Variants in ATCAY observed in about 807,000 individuals in gnomAD.
The protein encoded by ATCAY is caytaxin.
A neutral mutation model predicts 47.7 loss-of-function variants in ATCAY; 22 were observed. The observed-to-expected ratio is 0.46, with a 90% CI of 0.33 to 0.66. ATCAY has a LOEUF of 0.66. Ranked by LOEUF, ATCAY falls within the 30% of genes least tolerant of loss-of-function variation. ATCAY has a pLI of 0.02. For missense variants in ATCAY, 452 were observed against 515.0 expected, an observed-to-expected ratio of 0.88 and a Z score of 1.18; for synonymous variants, 216 against 207.6, an observed-to-expected ratio of 1.04 and a Z score of -0.35.
rs2038610615 is a variant in ATCAY at position 3,882,469 on chromosome 19, C to T, written c.-42+1461C>T. On this transcript the variant is annotated intron_variant, in intron 1 of 12. Coordinates refer to ENST00000450849, the MANE Select transcript of ATCAY (RefSeq NM_033064.5). The stretch of plus-strand genomic sequence containing the variant: ...AATAGCTGGGACTTCAGGCACCAGG[C>T]ACCCATCACCATGTTTGGTTAATTT... Among the ~76,000 whole-genome samples, 3 of 151,416 alleles carry T rather than the reference C, an allele frequency of 2.0e-5. No homozygotes were observed. In the Admixed American group the frequency reaches 2.0e-4, roughly 10 times the overall value.
At chr19:3,912,361 T>C (rs1174982419) in intron 8 of ATCAY, among the ~76,000 whole-genome samples, 6 of 151,788 alleles carry the variant, frequency 4.0e-5, no homozygotes, top group Non-Finnish European at 1.5e-5. Context: ...TCGCCCAGGC[T>C]GGAGTGCAGT....
At chr19:3,893,968 C>T (rs967719866) in intron 2 of ATCAY, among the ~76,000 whole-genome samples, 2 of 152,092 alleles carry the variant, frequency 1.3e-5, no homozygotes, top group East Asian at 1.9e-4. Context: ...ATTCCAGTCC[C>T]GGAGCCTGGG....
At chr19:3,886,862 C>T (rs949809221) in intron 2 of ATCAY, among the ~76,000 whole-genome samples, 1 of 151,682 alleles carries the variant, frequency 6.6e-6, no homozygotes, top group East Asian at 2.0e-4. Flanking sequence ...TACAGGCACC[C>T]GCCACCACAT....
chr19:3,916,117 G>C (rs2038964445), intron 9 of ATCAY, among the ~76,000 whole-genome samples: 1 of 152,078 alleles, frequency 6.6e-6, no homozygotes, highest in African/African-American at 2.4e-5. Context: ...GACGACTCTA[G>C]GGACCTCCTA....
In ATCAY at chr19:3,909,614, G is replaced by C; in HGVS notation, c.776G>C (p.Arg259Pro). 1 of 1,588,174 alleles carries C rather than the reference G, an allele frequency of 6.3e-7. No homozygotes were observed. Among genetic ancestry groups the C allele is most frequent in the Non-Finnish European group, 8.6e-7 (1 of 1,167,262 alleles). The change falls in exon 7 of 13, where the codon CGG (arginine) becomes CCG (proline). Residue 259 changes from arginine to proline, a missense_variant. Arg to Pro is a moderately radical substitution (Grantham distance 103, BLOSUM62 -2). Transcript: ENST00000450849. ...AAGAAGTGCTACCAGATGATCGACCGGAGGTGAGGTGGGGATGCCTCAGGA... is the reference window on the plus strand; with the variant it reads ...AAGAAGTGCTACCAGATGATCGACCCGAGGTGAGGTGGGGATGCCTCAGGA... The part of the protein sequence containing the change: ...WLKKCYQMID[R>P]RLRKNLKSLI...
intron 2 of ATCAY, among the ~76,000 whole-genome samples, chr19:3,901,987 G>A (rs906695155): frequency 6.6e-6 from 1 of 151,984 alleles, no homozygotes; most frequent in Non-Finnish European, 1.5e-5. Flanking sequence ...GCGACAGAGC[G>A]AGACTCTGTC....
intron 7 of ATCAY, among the ~76,000 whole-genome samples, chr19:3,910,497 T>G (rs1010318436): frequency 3.2e-4 from 48 of 152,174 alleles, no homozygotes; most frequent in Non-Finnish European, 6.3e-4. Context: ...TCCTAGGGCA[T>G]TAGGTGGTGA....
intron 1 of ATCAY, among the ~76,000 whole-genome samples, chr19:3,885,189 C>T (rs1179890324): frequency 2.1e-5 from 3 of 146,278 alleles, no homozygotes; most frequent in South Asian, 2.2e-4. Flanking sequence ...GAGGCTGAGG[C>T]GGGTAGACCG....
intron 7 of ATCAY, among the ~76,000 whole-genome samples, 199 bp downstream of exon 7, chr19:3,909,816 G>A (rs895576871): frequency 6.6e-6 from 1 of 152,104 alleles, no homozygotes; most frequent in Non-Finnish European, 1.5e-5. Flanking sequence ...CGGGCAAGGG[G>A]GCTCACACCT....
intron 8 of ATCAY, among the ~76,000 whole-genome samples, 167 bp from the exon 9 acceptor site, chr19:3,913,591 G>A (rs1181878375): frequency 6.6e-6 from 1 of 152,138 alleles, no homozygotes; most frequent in Non-Finnish European, 1.5e-5. Flanking sequence ...TGGGGTGCAA[G>A]ATAATTAAGG....
In ATCAY at chr19:3,905,628, G is replaced by A. The variant is rs762841790; in HGVS notation, c.331G>A (p.Gly111Arg). ...PDETDSLEFL[G>R]NGNELEWEDD... Reference sequence around the variant, plus strand: ...TGAGACCGACTCGCTGGAGTTCCTGGGGAATGGCAACGAACTGGAGTGGGA... The same window carrying A: ...TGAGACCGACTCGCTGGAGTTCCTGAGGAATGGCAACGAACTGGAGTGGGA... Residue 111 changes from glycine (G) to arginine (R), a missense_variant, in exon 4 of 13, where the codon GGG becomes AGG. Coordinates refer to ENST00000450849, the MANE Select transcript of ATCAY (RefSeq NM_033064.5). The A allele has an allele frequency of 2.5e-6, 4 of 1,613,624 alleles. No individual in the cohort carries two copies. The highest frequency in any genetic ancestry group is 3.4e-6 in the Non-Finnish European group (4 of 1,179,812).
intron 8 of ATCAY, among the ~76,000 whole-genome samples, chr19:3,911,236 C>T (rs1305867254): frequency 1.3e-5 from 2 of 152,064 alleles, no homozygotes; most frequent in African/African-American, 4.8e-5. Flanking sequence ...CGTGGTGGTG[C>T]ACACCTGTAG....
intron 2 of ATCAY, among the ~76,000 whole-genome samples, chr19:3,900,196 CTT>C (rs35138325): frequency 1.4e-5 from 2 of 144,316 alleles, no homozygotes; most frequent in Admixed American, 7.0e-5. Context: ...TCTTTTCTCT[CTT>C]TTTTTTTTTA....
chr19:3,908,371 G>C lies in ATCAY; in HGVS notation c.647+1G>C, dbSNP rs372569029. The stretch of plus-strand genomic sequence containing the variant: ...ACTACATCATGGAGAACCTCTTCCT[G>C]TGAGTCCCCGCCCGCGGCGAGCAGC... On this transcript the variant is annotated splice_donor_variant, in intron 6 of 12. Coordinates refer to ENST00000450849, the MANE Select transcript of ATCAY (RefSeq NM_033064.5). LOFTEE classifies it high-confidence loss of function. 6.3e-7 allele frequency: 1 copy of C among 1,583,598 alleles called. No individual in the cohort carries two copies. The highest frequency in any genetic ancestry group is 8.6e-7 in the Non-Finnish European group (1 of 1,164,644).
rs748150320 is a variant in ATCAY, at chr19:3,909,537, G to A, written c.699G>A (p.Val233=). ...TGGTGGCTGAGGACTACATGATCGTGTACCTGAACGGTGCCACGCCCCGGC... is the reference window on the plus strand; with the variant it reads ...TGGTGGCTGAGGACTACATGATCGTATACCTGAACGGTGCCACGCCCCGGC... ...ELLVAEDYMI[V]YLNGATPRRR... The change falls in exon 7 of 13, where the codon GTG becomes GTA. Residue 233 remains valine (V), a synonymous_variant. Coordinates refer to ENST00000450849, the MANE Select transcript of ATCAY (RefSeq NM_033064.5). The A allele has an allele frequency of 6.2e-7, 1 of 1,613,878 alleles. No individual in the cohort carries two copies. Among genetic ancestry groups the A allele is most frequent in the South Asian group, 1.1e-5 (1 of 91,076 alleles).
At chr19:3,896,301 T>C (rs542140293) in intron 2 of ATCAY, among the ~76,000 whole-genome samples, 1 of 147,936 alleles carries the variant, frequency 6.8e-6, no homozygotes, top group South Asian at 2.2e-4. Context: ...AGAGTCTCAC[T>C]CTGTCACTCA....
intron 9 of ATCAY, among the ~76,000 whole-genome samples, chr19:3,914,178 G>C (rs113644268): frequency 0.036 from 5,042 of 140,260 alleles, 298 homozygotes; most frequent in African/African-American, 0.13. Flanking sequence ...GGAGGTTGCA[G>C]TAAGCTGAGA....
At position 3,897,197 on chromosome 19, in the gene ATCAY, G is replaced by A. The variant is rs539391790; in HGVS notation, c.78-5290G>A. On this transcript the variant is annotated intron_variant, in intron 2 of 12. Transcript: ENST00000450849. ...AGCCATCAGCCTGCAATTTTGCAGC[G>A]CTGGTTTGGGTTAACCTTCTGAATG... 6.6e-5 allele frequency among the ~76,000 whole-genome samples: 10 copies of A among 151,972 alleles called. No homozygotes were observed. The South Asian group carries it at 1.7e-3, about 25-fold the overall frequency.
chr19:3,902,532 G>A lies in ATCAY; in HGVS notation c.123G>A (p.Val41=), dbSNP rs1401144322. ...GGGTGGAACTGCTTGGCAGCCCGGT[G>A]GAAGACACATCCTGTAAGTTTCCAC... is the stretch of plus-strand genomic sequence containing the variant. The part of the protein sequence containing the change: ...ETGVELLGSP[V]EDTSSPPNTL... Residue 41 remains valine (V), a synonymous_variant, in exon 3 of 13, where the codon GTG becomes GTA. Transcript: ENST00000450849. 2 of 1,574,106 alleles carry A rather than the reference G, an allele frequency of 1.3e-6. No homozygotes were observed. Among genetic ancestry groups the A allele is most frequent in the Non-Finnish European group, 1.7e-6 (2 of 1,159,630 alleles).
Sources: allele counts gnomAD v4.1 joint callset (sites outside exome capture counted in the v4.1 genomes callset), GRCh38; gene constraint gnomAD v4.1.1; transcripts MANE v1.5; gene names NCBI Gene and HGNC (gene_info 2026-07-23, HGNC 2026-07-21).